The following LRCH2 variants were observed in gnomAD, a reference collection of about 807,000 sequenced individuals.
The protein encoded by LRCH2 is leucine-rich repeat and calponin homology domain-containing protein 2.
A neutral mutation model predicts 68.9 loss-of-function variants in LRCH2; 38 were observed. The ratio of observed to expected loss-of-function variants is 0.55; its 90% CI spans 0.43 to 0.72. The LOEUF (loss-of-function observed/expected upper bound fraction) is 0.72. Ranked by LOEUF, LRCH2 falls within the 30% of genes least tolerant of loss-of-function variation. The pLI is 0.00. For missense variants in LRCH2, 528 were observed against 572.9 expected (o/e 0.92, Z 0.80); for synonymous variants, 191 against 208.1 (o/e 0.92, Z 0.71).
At chrX:115,138,867 G>A (rs182278884) in intron 14 of LRCH2, among the ~76,000 whole-genome samples, 27 of 111,425 alleles carry the variant, frequency 2.4e-4, no homozygotes, top group African/African-American at 7.8e-4. Context: ...AATTCAACTC[G>A]GCTATCCCCA....
intron 1 of LRCH2, among the ~76,000 whole-genome samples, chrX:115,220,626 C>A (rs1005177105): frequency 9.0e-6 from 1 of 111,068 alleles, no homozygotes; most frequent in Non-Finnish European, 1.9e-5. Context: ...GCTATACTAC[C>A]GAGAAAACTC....
chrX:115,140,665 G>A (rs1468811123), intron 14 of LRCH2, among the ~76,000 whole-genome samples: 1 of 111,021 alleles, frequency 9.0e-6, no homozygotes, highest in East Asian at 2.9e-4. Flanking sequence ...TGATTGAAGA[G>A]CCCTTGGGCT....
At chrX:115,136,291 C>T (rs782390847) in intron 14 of LRCH2, among the ~76,000 whole-genome samples, 34 of 110,997 alleles carry the variant, frequency 3.1e-4, no homozygotes, top group Non-Finnish European at 4.7e-4. Flanking sequence ...CCCCTACCCC[C>T]GCCTCACCCA....
At chrX:115,162,821 A>G in intron 11 of LRCH2, among the ~76,000 whole-genome samples, 1 of 111,886 alleles carries the variant, frequency 8.9e-6, no homozygotes, top group Admixed American at 9.5e-5. Context: ...AATAAATGAA[A>G]TAAAATATTT....
chrX:115,175,156 T>C (rs907245822), intron 5 of LRCH2, among the ~76,000 whole-genome samples: 1 of 112,078 alleles, frequency 8.9e-6, no homozygotes, highest in African/African-American at 3.2e-5. Flanking sequence ...AAAAGCTTCA[T>C]TGAGGTTCAG....
intron 1 of LRCH2, chrX:115,192,635 G>C: frequency 1.7e-6 from 2 of 1,169,321 alleles, no homozygotes; most frequent in Non-Finnish European, 2.3e-6. Context: ...GAAGGCCGGA[G>C]CAGATACTAA....
At position 115,165,811 on chromosome X, in the gene LRCH2, A is replaced by C. The variant is rs898543091; in HGVS notation, c.1198+30T>G. 16 of 1,073,265 alleles carry C rather than the reference A, an allele frequency of 1.5e-5. No individual in the cohort carries two copies. In the African/African-American group the frequency reaches 2.6e-4, roughly 18 times the overall value. 88.4% of individuals were successfully genotyped at this position (1,073,265 alleles called of 1,213,427 possible). A position where few individuals can be genotyped will look rare whatever the true frequency, so the allele number is the denominator to read the frequency against. ...TTTTTAATGTGGGCTATGTACATGA[A>C]ACAAAAATAGCAGGTACCATATGAA... is the stretch of plus-strand genomic sequence containing the variant. On this transcript the variant is annotated intron_variant, in intron 8 of 20. Transcript: ENST00000317135.
At chrX:115,157,393 C>T (rs1456061656) in intron 11 of LRCH2, among the ~76,000 whole-genome samples, 4 of 109,493 alleles carry the variant, frequency 3.7e-5, no homozygotes, top group Non-Finnish European at 7.6e-5. Flanking sequence ...ACGTCAACTG[C>T]CAAAAGAATA....
chrX:115,202,152 T>C (rs1208132149), intron 1 of LRCH2, among the ~76,000 whole-genome samples: 1 of 111,607 alleles, frequency 9.0e-6, no homozygotes, highest in Non-Finnish European at 1.9e-5. Context: ...GAAAAAACAA[T>C]CATAAAATTC....
chrX:115,176,646 A>G (rs782704521), intron 5 of LRCH2, among the ~76,000 whole-genome samples: 1 of 111,416 alleles, frequency 9.0e-6, no homozygotes, highest in Non-Finnish European at 1.9e-5. Context: ...TTTCGTTTCA[A>G]TGAAAGCCTT....
rs1218596622 is a variant in LRCH2, at chrX:115,193,408, AT to A, written c.350-5039del. Among the ~76,000 whole-genome samples the A allele has an allele frequency of 9.2e-5, 10 of 108,298 alleles. 1 individual carries two copies. In the South Asian group the frequency reaches 2.0e-3, roughly 21 times the overall value. The allele number at this position is 108,298 out of a possible 115,157, so 94.0% of individuals were successfully genotyped here. A position where few individuals can be genotyped will look rare whatever the true frequency, so the allele number is the denominator to read the frequency against. ...TCTGAAATGAAGATCTTTTCCCACAATTTTTTTTTTCTCATCTCAATGTCAA... is the reference window on the plus strand; with the variant it reads ...TCTGAAATGAAGATCTTTTCCCACAATTTTTTTTTCTCATCTCAATGTCAA... On this transcript the variant is annotated intron_variant, in intron 1 of 20. Transcript: ENST00000317135.
At chrX:115,182,464 G>A (rs1025270872) in intron 3 of LRCH2, among the ~76,000 whole-genome samples, 21 of 111,334 alleles carry the variant, frequency 1.9e-4, no homozygotes, top group Non-Finnish European at 3.2e-4. Context: ...TTTCTAAATC[G>A]AATTAGCTAA....
At chrX:115,147,039 A>C (rs2072391194) in intron 14 of LRCH2, among the ~76,000 whole-genome samples, 1 of 110,468 alleles carries the variant, frequency 9.1e-6, no homozygotes, top group Admixed American at 9.8e-5. Flanking sequence ...TCAGTCATTT[A>C]TACGTATTAA....
chrX:115,166,069 A>G (rs2072557191), intron 7 of LRCH2, 117 bp from the exon 8 acceptor site: 2 of 658,393 alleles, frequency 3.0e-6, no homozygotes, highest in Non-Finnish European at 4.6e-6. Context: ...CAGTTTTCAA[A>G]CCCAAAATTA....
intron 20 of LRCH2, among the ~76,000 whole-genome samples, chrX:115,118,825 C>G (rs1213876678): frequency 4.6e-4 from 51 of 110,343 alleles, no homozygotes; most frequent in African/African-American, 1.6e-3. Flanking sequence ...CCACCATGAT[C>G]AAGTGGGCTT....
chrX:115,218,398 CT>C (rs1382070836), intron 1 of LRCH2, among the ~76,000 whole-genome samples: 5 of 112,265 alleles, frequency 4.5e-5, no homozygotes, highest in Non-Finnish European at 9.4e-5. Context: ...AAGGAAAACC[CT>C]AACTTTCCAC....
intron 2 of LRCH2, among the ~76,000 whole-genome samples, chrX:115,187,918 G>A (rs2147414738): frequency 8.9e-6 from 1 of 112,856 alleles, no homozygotes; most frequent in East Asian, 2.8e-4. Context: ...GAGGTCTAAG[G>A]ACCAGCAGGT....
intron 1 of LRCH2, among the ~76,000 whole-genome samples, chrX:115,214,942 T>C (rs1277234366): frequency 8.9e-6 from 1 of 112,312 alleles, no homozygotes; most frequent in Non-Finnish European, 1.9e-5. Context: ...TAATGACTAA[T>C]GAATCACTGT....
At chrX:115,223,626 C>T (rs2073099318) in intron 1 of LRCH2, among the ~76,000 whole-genome samples, 1 of 110,110 alleles carries the variant, frequency 9.1e-6, no homozygotes, top group Admixed American at 9.7e-5. Flanking sequence ...CAATGAAATC[C>T]TGACTCACGC....
Sources: gnomAD v4.1 joint callset for allele counts (sites outside exome capture counted in the v4.1 genomes callset) on GRCh38, gnomAD v4.1.1 for gene constraint, MANE v1.5 for transcripts, NCBI Gene and HGNC (gene_info 2026-07-23, HGNC 2026-07-21) for gene names.